SPOCK1: variants seen among roughly 807,000 people sequenced by gnomAD.
SPOCK1 encodes the protein SPARC (osteonectin), cwcv and kazal like domains proteoglycan 1, also known as testican-1.
Under a neutral mutation model 55.3 loss-of-function variants are expected in SPOCK1, and 23 were observed. The ratio of observed to expected loss-of-function variants is 0.42; its 90% CI spans 0.30 to 0.59. The LOEUF (loss-of-function observed/expected upper bound fraction) is 0.59. Among genes scored for constraint, SPOCK1 ranks in the 20% least tolerant of loss-of-function variants. The pLI is 0.22. For missense variants in SPOCK1, 499 were observed against 552.5 expected (o/e 0.90, Z 0.97); for synonymous variants, 226 against 221.0 (o/e 1.02, Z -0.20).
intron 2 of SPOCK1, among the ~76,000 whole-genome samples, chr5:137,342,084 G>T (rs1226607484): frequency 6.6e-6 from 1 of 152,236 alleles, no homozygotes; most frequent in East Asian, 1.9e-4. Context: ...ACATGTATGT[G>T]ATCAGACATA....
intron 6 of SPOCK1, among the ~76,000 whole-genome samples, chr5:136,994,541 GATT>G (rs71806776): frequency 0.17 from 25,588 of 151,900 alleles, 2,734 homozygotes; most frequent in Non-Finnish European, 0.23. Flanking sequence ...CTATGATTTT[GATT>G]ATTATTACTA....
At chr5:137,056,037 A>C (rs1250019561) in intron 6 of SPOCK1, among the ~76,000 whole-genome samples, 1 of 152,218 alleles carries the variant, frequency 6.6e-6, no homozygotes, top group Non-Finnish European at 1.5e-5. Flanking sequence ...ATGTGCCTGG[A>C]AAACAGTAAG....
chr5:137,207,065 A>T (rs1489616094), intron 3 of SPOCK1, among the ~76,000 whole-genome samples: 1 of 152,266 alleles, frequency 6.6e-6, no homozygotes, highest in Non-Finnish European at 1.5e-5. Context: ...ACCTATATAT[A>T]AAAGTGCAGT....
At chr5:137,249,005 T>C (rs182790876) in intron 3 of SPOCK1, among the ~76,000 whole-genome samples, 156 of 152,332 alleles carry the variant, frequency 1.0e-3, no homozygotes, top group African/African-American at 3.6e-3. Context: ...AACCTTAGTG[T>C]CACCGTGTAT....
chr5:137,065,510 A>G (rs535126188), intron 6 of SPOCK1, among the ~76,000 whole-genome samples: 2 of 152,328 alleles, frequency 1.3e-5, no homozygotes, highest in Non-Finnish European at 2.9e-5. Flanking sequence ...GCAGGCTTCC[A>G]AGGTGGTATT....
chr5:137,264,480 C>T (rs1040012468), intron 3 of SPOCK1, among the ~76,000 whole-genome samples: 3 of 152,142 alleles, frequency 2.0e-5, no homozygotes, highest in African/African-American at 7.2e-5. Context: ...TCCAAGCCTA[C>T]TCCACACCCA....
chr5:137,434,045 A>G (rs925726371), intron 2 of SPOCK1, among the ~76,000 whole-genome samples: 1 of 152,250 alleles, frequency 6.6e-6, no homozygotes, highest in Non-Finnish European at 1.5e-5. Flanking sequence ...AACACACAAG[A>G]AATCATGAAG....
intron 3 of SPOCK1, among the ~76,000 whole-genome samples, chr5:137,222,994 T>G (rs1580814840): frequency 6.6e-6 from 1 of 151,490 alleles, no homozygotes; most frequent in African/African-American, 2.4e-5. Flanking sequence ...CTTAGGGAAG[T>G]GATAATGAAA....
rs1171382677 is a variant in SPOCK1 at position 136,985,159 on chromosome 5, A to C, written c.972T>G (p.Ser324Arg). ...QNEMNRIQKL[S>R]KGKSLLGAFI... ...ACTTACCCAACAGGCTTTTCCCCTT[A>C]CTCAGCTTCTGAATTCTGTTCATTT... Residue 324 changes from serine (S) to arginine (R), a missense_variant, in exon 9 of 11, where the codon AGT (serine) becomes AGG (arginine). This residue lies in a region of SPOCK1 where 30 missense variants were observed against 64.4 expected (regional missense o/e 0.47). Coordinates refer to ENST00000394945, the MANE Select transcript of SPOCK1 (RefSeq NM_004598.4). 6.2e-7 allele frequency: 1 copy of C among 1,614,022 alleles called. No individual in the cohort carries two copies. Among genetic ancestry groups the C allele is most frequent in the African/African-American group, 1.3e-5 (1 of 74,934 alleles).
At chr5:137,410,806 T>C (rs1752194898) in intron 2 of SPOCK1, among the ~76,000 whole-genome samples, 1 of 152,164 alleles carries the variant, frequency 6.6e-6, no homozygotes, top group Non-Finnish European at 1.5e-5. Flanking sequence ...AAAGGAGACC[T>C]GCTTTCCCTC....
chr5:137,207,265 A>G (rs995857918), intron 3 of SPOCK1, among the ~76,000 whole-genome samples: 1 of 152,214 alleles, frequency 6.6e-6, no homozygotes, highest in African/African-American at 2.4e-5. Context: ...GCCCAGAATG[A>G]GCACCTGCAG....
chr5:137,418,604 T>C (rs1483969175), intron 2 of SPOCK1, among the ~76,000 whole-genome samples: 1 of 152,236 alleles, frequency 6.6e-6, no homozygotes, highest in African/African-American at 2.4e-5. Context: ...GAATGTCTTT[T>C]TTTGAGAAGT....
intron 4 of SPOCK1, among the ~76,000 whole-genome samples, chr5:137,138,811 G>A (rs1007114299): frequency 1.3e-5 from 2 of 151,558 alleles, no homozygotes; most frequent in African/African-American, 4.9e-5. Context: ...TAGCCTTAGT[G>A]CCTAAGGCCT....
At chr5:137,373,677 A>G (rs1008965311) in intron 2 of SPOCK1, among the ~76,000 whole-genome samples, 22 of 152,214 alleles carry the variant, frequency 1.4e-4, no homozygotes, top group Non-Finnish European at 2.9e-5. Context: ...TGGGCTCATT[A>G]TCACAGGTAC....
intron 2 of SPOCK1, among the ~76,000 whole-genome samples, chr5:137,427,572 C>T (rs953874027): frequency 6.6e-6 from 1 of 152,128 alleles, no homozygotes; most frequent in Non-Finnish European, 1.5e-5. Flanking sequence ...CTCCCTACTA[C>T]TCCACTCTGG....
In SPOCK1 at chr5:137,121,523, G is replaced by T. The variant is rs375087559; in HGVS notation, c.348-8962C>A. ...ACTTTGGAACATTACTTGAATCAAC[G>T]TTTCCCTGTAAGTGAAACCAAATTT... On this transcript the variant is annotated intron_variant, in intron 4 of 10. Coordinates refer to ENST00000394945, the MANE Select transcript of SPOCK1 (RefSeq NM_004598.4). Among the ~76,000 whole-genome samples the T allele has an allele frequency of 1.0e-3, 150 of 149,736 alleles. 2 individuals are homozygous for T. The South Asian group carries it at 0.03, about 30-fold the overall frequency.
rs1271871497 is a variant in SPOCK1 at position 137,420,479 on chromosome 5, G to A, written c.186+77894C>T. ...AATTATTGCCTCAATTTCAGAGCCT[G>A]TTATTGGTCTATTCAGAGATTCAAC... On this transcript the variant is annotated intron_variant, in intron 2 of 10. Coordinates refer to ENST00000394945, the MANE Select transcript of SPOCK1 (RefSeq NM_004598.4). Among the ~76,000 whole-genome samples, 3 of 152,164 alleles carry A rather than the reference G, an allele frequency of 2.0e-5. No homozygotes were observed. In the East Asian group the frequency reaches 5.8e-4, roughly 29 times the overall value.
chr5:137,238,755 G>A (rs1157840893), intron 3 of SPOCK1, among the ~76,000 whole-genome samples: 2 of 152,082 alleles, frequency 1.3e-5, no homozygotes, highest in East Asian at 1.9e-4. Context: ...TCCTTAACAC[G>A]ATAAAATATA....
At chr5:137,449,886 CAAAAAAAAAAAAAAAA>C (rs562723108) in intron 2 of SPOCK1, among the ~76,000 whole-genome samples, 28 of 52,912 alleles carry the variant, frequency 5.3e-4, no homozygotes, top group East Asian at 1.4e-3. Flanking sequence ...GATGCTGTCT[CAAAAAAAAAAAAAAAA>C]AAAAAAAAAA....
Sources: gnomAD v4.1 joint callset for allele counts (sites outside exome capture counted in the v4.1 genomes callset) on GRCh38, gnomAD v4.1.1 for gene constraint, gnomAD v4.1.1 regional missense constraint, MANE v1.5 for transcripts, NCBI Gene and HGNC (gene_info 2026-07-23, HGNC 2026-07-21) for gene names.